The following FUBP1 variants were observed in gnomAD, a reference collection of about 807,000 sequenced individuals.
FUBP1 encodes far upstream element binding protein 1, also known as far upstream element-binding protein 1.
Under a neutral mutation model 94.9 loss-of-function variants are expected in FUBP1, and 16 were observed. That is an observed-to-expected ratio of 0.17 (90% CI 0.11 to 0.26). The LOEUF (loss-of-function observed/expected upper bound fraction) is 0.26. FUBP1 is among the 10% of genes least tolerant of loss of function. The pLI is 1.00. For synonymous variants in FUBP1, 279 were observed against 254.9 expected, an observed-to-expected ratio of 1.09 and a Z score of -0.90; for missense variants, 583 against 808.6, an observed-to-expected ratio of 0.72 and a Z score of 3.38.
chr1:77,976,117 T>C (rs1209527226), intron 1 of FUBP1, among the ~76,000 whole-genome samples: 1 of 152,230 alleles, frequency 6.6e-6, no homozygotes, highest in African/African-American at 2.4e-5. Flanking sequence ...CATAGTATTC[T>C]AGACAAAGAA....
intron 1 of FUBP1, among the ~76,000 whole-genome samples, chr1:77,970,691 A>T (rs1275014033): frequency 2.6e-5 from 4 of 152,204 alleles, no homozygotes; most frequent in Admixed American, 6.5e-5. Context: ...AATTCTTAGA[A>T]GATTTTTAAA....
At chr1:77,967,791 G>T in intron 3 of FUBP1, 125 bp from the exon 4 acceptor site, 1 of 607,330 alleles carries the variant, frequency 1.6e-6, no homozygotes, top group Non-Finnish European at 2.8e-6. Context: ...ACCTTGAAGA[G>T]AGTCAAATTT....
At chr1:77,969,078 G>A (rs773303341) in intron 2 of FUBP1, 149 of 1,255,422 alleles carry the variant, frequency 1.2e-4, no homozygotes, top group Non-Finnish European at 1.5e-4. Context: ...ACTTGTCCAA[G>A]AGCCATCTAC....
rs1460270287 is a variant in FUBP1 at position 77,969,919 on chromosome 1, A to G, written c.211+6T>C. 1 of 1,327,196 alleles carries G rather than the reference A, an allele frequency of 7.5e-7. No homozygotes were observed. Among genetic ancestry groups the G allele is most frequent in the African/African-American group, 1.5e-5 (1 of 68,772 alleles). The allele number at this position is 1,327,196 out of a possible 1,614,324, so 82.2% of individuals were successfully genotyped here. A position where few individuals can be genotyped will look rare whatever the true frequency, so the allele number is the denominator to read the frequency against. On this transcript the variant is annotated splice_donor_region_variant and intron_variant, in intron 2 of 19. Transcript: ENST00000370768. ...AACAATTTAAAATACTTAGAGTATAACTTACCTCCATCTTCTAAAGGTCTT... is the reference window on the plus strand; with the variant it reads ...AACAATTTAAAATACTTAGAGTATAGCTTACCTCCATCTTCTAAAGGTCTT...
At chr1:77,960,151 A>C (rs35790237) in intron 16 of FUBP1, 33 bp downstream of exon 16, 1 of 1,438,052 alleles carries the variant, frequency 7.0e-7, no homozygotes, top group Non-Finnish European at 9.7e-7. Flanking sequence ...GGAAAATAAT[A>C]CAGATAACAC....
At chr1:77,963,743 G>A (rs536211901) in intron 12 of FUBP1, 28 bp from the exon 13 acceptor site, 1 of 1,567,354 alleles carries the variant, frequency 6.4e-7, no homozygotes, top group African/African-American at 1.4e-5. Context: ...CAAGAACGAA[G>A]AGTCAGCACA....
intron 1 of FUBP1, among the ~76,000 whole-genome samples, chr1:77,970,801 T>C (rs897580382): frequency 2.0e-5 from 3 of 152,118 alleles, no homozygotes; most frequent in African/African-American, 7.2e-5. Context: ...TCTTAGCACT[T>C]TGGGAGGTGG....
chr1:77,967,264 T>C (rs1230343575), intron 4 of FUBP1, among the ~76,000 whole-genome samples, 163 bp from the exon 5 acceptor site: 1 of 152,184 alleles, frequency 6.6e-6, no homozygotes, highest in Non-Finnish European at 1.5e-5. Context: ...ATTACTTGAG[T>C]AGTTAAATTA....
intron 1 of FUBP1, among the ~76,000 whole-genome samples, chr1:77,972,103 G>C (rs903402110): frequency 6.6e-6 from 1 of 150,780 alleles, no homozygotes; most frequent in Admixed American, 6.6e-5. Context: ...TTTTGTTTCT[G>C]GGTGTCTAAT....
intron 18 of FUBP1, 112 bp from the exon 19 acceptor site, chr1:77,949,412 A>C (rs1445089173): frequency 1.2e-6 from 1 of 852,752 alleles, no homozygotes; most frequent in African/African-American, 1.7e-5. Flanking sequence ...CCTTTGAATA[A>C]TCTTGTGTTT....
intron 14 of FUBP1, among the ~76,000 whole-genome samples, chr1:77,961,263 C>T (rs749321255): frequency 2.0e-5 from 3 of 152,120 alleles, no homozygotes; most frequent in Non-Finnish European, 4.4e-5. Flanking sequence ...CACAACCAGG[C>T]GACATGTTGG....
intron 18 of FUBP1, among the ~76,000 whole-genome samples, chr1:77,949,569 C>T (rs1652956760): frequency 6.6e-6 from 1 of 151,716 alleles, no homozygotes; most frequent in African/African-American, 2.4e-5. Flanking sequence ...GGAAACTACT[C>T]TGCAATTAGA....
At chr1:77,964,839 CTT>C (rs771192081) in intron 9 of FUBP1, 29 bp downstream of exon 9, 21 of 1,521,066 alleles carry the variant, frequency 1.4e-5, no homozygotes, top group Admixed American at 1.7e-5. Context: ...TCAACCCACT[CTT>C]TCTTTATAAA....
chr1:77,979,204 A>G (rs1659370765), upstream of FUBP1: 3 of 578,298 alleles, frequency 5.2e-6, no homozygotes, highest in Non-Finnish European at 9.2e-6. Flanking sequence ...CTGAGAAAGA[A>G]CGACAGGAAC....
chr1:77,947,659 A>G lies in FUBP1; in HGVS notation c.*1107T>C. 5 of 723,222 alleles carry G rather than the reference A, an allele frequency of 6.9e-6. No homozygotes were observed. Among genetic ancestry groups the G allele is most frequent in the Non-Finnish European group, 8.8e-6 (4 of 453,438 alleles). The allele number at this position is 723,222 out of a possible 1,614,324, so 44.8% of individuals were successfully genotyped here. A position where few individuals can be genotyped will look rare whatever the true frequency, so the allele number is the denominator to read the frequency against. On this transcript the variant is annotated 3_prime_UTR_variant, in exon 20 of 20. Transcript: ENST00000370768. ...GAGTAAAACAATGGATTTCAACAAAATATCAGAACTTCAGCATGAGTGTTA... is the reference window on the plus strand; with the variant it reads ...GAGTAAAACAATGGATTTCAACAAAGTATCAGAACTTCAGCATGAGTGTTA...
chr1:77,964,225 A>T, intron 11 of FUBP1, 29 bp downstream of exon 11: 5 of 1,547,120 alleles, frequency 3.2e-6, no homozygotes, highest in Non-Finnish European at 2.7e-6. Flanking sequence ...ACTGCTGCCA[A>T]CACTTACAAG....
chr1:77,978,866 C>G lies in FUBP1; in HGVS notation c.120+19G>C. ...ATTACCGTGAGCTTTCGGGATTCCG[C>G]CGCGCGGTCCACACTTACCTGCCGG... On this transcript the variant is annotated intron_variant, in intron 1 of 19. Coordinates refer to ENST00000370768, the MANE Select transcript of FUBP1 (RefSeq NM_003902.5). 6.2e-7 allele frequency: 1 copy of G among 1,613,642 alleles called. No homozygotes were observed. Among genetic ancestry groups the G allele is most frequent in the Non-Finnish European group, 8.5e-7 (1 of 1,179,968 alleles).
intron 1 of FUBP1, among the ~76,000 whole-genome samples, chr1:77,971,276 A>T (rs919491066): frequency 6.6e-6 from 1 of 152,346 alleles, no homozygotes; most frequent in African/African-American, 2.4e-5. Context: ...AGAATTTATT[A>T]TATAATTCTT....
At chr1:77,955,573 T>C in intron 17 of FUBP1, 2 of 392,752 alleles carry the variant, frequency 5.1e-6, no homozygotes, top group Non-Finnish European at 9.0e-6. Flanking sequence ...TATAAGTAAA[T>C]GCATGTCAAA....
Sources: allele counts gnomAD v4.1 joint callset (sites outside exome capture counted in the v4.1 genomes callset), GRCh38; gene constraint gnomAD v4.1.1; transcripts MANE v1.5; gene names NCBI Gene and HGNC (gene_info 2026-07-23, HGNC 2026-07-21).